KCNIP4: variants seen among roughly 807,000 people sequenced by gnomAD.
KCNIP4 encodes the protein potassium voltage-gated channel interacting protein 4.
In KCNIP4, 12 loss-of-function variants were observed where a neutral mutation model predicts 34.0. The observed-to-expected ratio is 0.35, with a 90% CI of 0.23 to 0.57. The LOEUF (loss-of-function observed/expected upper bound fraction) is 0.57, where lower values mean the gene tolerates loss of function less well. Among genes scored for constraint, KCNIP4 ranks in the 20% least tolerant of loss-of-function variants. The pLI is 0.83. For synonymous variants in KCNIP4, 124 were observed against 102.2 expected (o/e 1.21, Z -1.29); for missense variants, 238 against 311.7 (o/e 0.76, Z 1.78).
chr4:21,697,201 A>G (rs867790733), intron 1 of KCNIP4: 3 of 1,194,848 alleles, frequency 2.5e-6, no homozygotes, highest in East Asian at 3.1e-5. Context: ...TTTTAGAAAC[A>G]TAAATCTCAG....
chr4:21,315,587 TA>T (rs923593102), intron 1 of KCNIP4, among the ~76,000 whole-genome samples: 2 of 152,152 alleles, frequency 1.3e-5, no homozygotes, highest in Admixed American at 1.3e-4. Flanking sequence ...CAACTGCCCT[TA>T]AAATACATCA....
At chr4:21,351,645 G>A (rs1375416005) in intron 1 of KCNIP4, among the ~76,000 whole-genome samples, 1 of 152,178 alleles carries the variant, frequency 6.6e-6, no homozygotes, top group South Asian at 2.1e-4. Context: ...TAGTTAAGGT[G>A]AAATGAGATC....
chr4:21,304,255 C>T (rs1712171960), intron 1 of KCNIP4, among the ~76,000 whole-genome samples: 1 of 152,168 alleles, frequency 6.6e-6, no homozygotes, highest in Admixed American at 6.5e-5. Context: ...TAAAGTCGGG[C>T]CTGTCGGAAT....
chr4:21,239,526 C>T (rs1461512486), intron 1 of KCNIP4, among the ~76,000 whole-genome samples: 1 of 151,904 alleles, frequency 6.6e-6, no homozygotes, highest in Non-Finnish European at 1.5e-5. Flanking sequence ...AGCGAATTTA[C>T]AAGAAAAAAA....
chr4:21,642,596 C>A (rs1746691877), intron 1 of KCNIP4, among the ~76,000 whole-genome samples: 1 of 152,116 alleles, frequency 6.6e-6, no homozygotes, highest in South Asian at 2.1e-4. Flanking sequence ...CCCATTAGCA[C>A]AATTTTGCTT....
chr4:20,852,835 A>T (rs1261719399), intron 2 of KCNIP4, among the ~76,000 whole-genome samples: 1 of 152,188 alleles, frequency 6.6e-6, no homozygotes, highest in Non-Finnish European at 1.5e-5. Flanking sequence ...ACTAACAGTG[A>T]CCAAACAGAG....
intron 1 of KCNIP4, among the ~76,000 whole-genome samples, chr4:21,395,542 C>T (rs1016185214): frequency 1.7e-4 from 26 of 151,924 alleles, no homozygotes; most frequent in Non-Finnish European, 7.4e-5. Context: ...AGCCTTTTTT[C>T]CCCCTTTAAT....
rs553971427 is a variant in KCNIP4 at position 20,978,447 on chromosome 4, A to C, written c.62-95738T>G. Among the ~76,000 whole-genome samples the C allele has an allele frequency of 1.2e-4, 18 of 152,334 alleles. No individual in the cohort carries two copies. The East Asian group carries it at 2.5e-3, about 21-fold the overall frequency. ...CTATTTACCAAGCACTGTGCTAAAC[A>C]GCAAGGATAACTGTACAATTAAGGA... is the stretch of plus-strand genomic sequence containing the variant. On this transcript the variant is annotated intron_variant, in intron 1 of 8. Coordinates refer to ENST00000382152, the MANE Select transcript of KCNIP4 (RefSeq NM_025221.6).
chr4:20,898,079 G>A (rs530734671), intron 1 of KCNIP4, among the ~76,000 whole-genome samples: 2 of 152,064 alleles, frequency 1.3e-5, no homozygotes, highest in Non-Finnish European at 2.9e-5. Flanking sequence ...GCATAGGAGG[G>A]TAAGTTCCCT....
chr4:20,757,940 G>A (rs1269624360), intron 4 of KCNIP4, among the ~76,000 whole-genome samples: 1 of 152,092 alleles, frequency 6.6e-6, no homozygotes, highest in African/African-American at 2.4e-5. Context: ...TGCCAGCACT[G>A]TGCTCTCAGA....
chr4:21,759,467 T>C lies in KCNIP4; in HGVS notation c.61+189104A>G, dbSNP rs147334075. Among the ~76,000 whole-genome samples, 1,000 of 152,332 alleles carry C rather than the reference T, an allele frequency of 6.6e-3. 6 individuals carry two copies. The highest frequency in any genetic ancestry group is 0.01 in the Middle Eastern group (3 of 294). On this transcript the variant is annotated intron_variant, in intron 1 of 8. Coordinates refer to ENST00000382152, the MANE Select transcript of KCNIP4 (RefSeq NM_025221.6). ...ACTGAATATTCTTGGTTTTACCATA[T>C]AGCAGGACATAGAAATCTTTGTAGT...
intron 1 of KCNIP4, among the ~76,000 whole-genome samples, chr4:21,513,827 A>C (rs1734536447): frequency 6.6e-6 from 1 of 152,172 alleles, no homozygotes; most frequent in Non-Finnish European, 1.5e-5. Flanking sequence ...CCTTGGATGA[A>C]CAACGGTACA....
intron 3 of KCNIP4, among the ~76,000 whole-genome samples, chr4:20,761,866 GT>G: frequency 6.6e-6 from 1 of 152,232 alleles, no homozygotes; most frequent in South Asian, 2.1e-4. Context: ...AGATAAATTT[GT>G]TTTTATCCAC....
At chr4:20,784,626 T>C (rs1711700317) in intron 3 of KCNIP4, among the ~76,000 whole-genome samples, 2 of 152,176 alleles carry the variant, frequency 1.3e-5, no homozygotes, top group Admixed American at 6.6e-5. Flanking sequence ...TTCCCTCCTT[T>C]TTTTTCTTGT....
At chr4:21,686,228 G>A (rs949680845) in intron 1 of KCNIP4, among the ~76,000 whole-genome samples, 79 of 152,182 alleles carry the variant, frequency 5.2e-4, no homozygotes, top group African/African-American at 1.8e-3. Context: ...TATTGAGCTC[G>A]GAAGATTTAC....
At chr4:21,631,940 T>C (rs958795084) in intron 1 of KCNIP4, among the ~76,000 whole-genome samples, 1 of 152,218 alleles carries the variant, frequency 6.6e-6, no homozygotes, top group African/African-American at 2.4e-5. Context: ...TTCAAGCCAC[T>C]ATTCCATCAC....
intron 1 of KCNIP4, among the ~76,000 whole-genome samples, chr4:21,443,626 T>G (rs139412443): frequency 1.3e-5 from 2 of 152,282 alleles, no homozygotes; most frequent in Non-Finnish European, 2.9e-5. Flanking sequence ...GTTTGCGGCC[T>G]GATGCTCTAA....
At chr4:21,298,594 A>T (rs1045360163) in intron 1 of KCNIP4, among the ~76,000 whole-genome samples, 3 of 152,024 alleles carry the variant, frequency 2.0e-5, no homozygotes, top group African/African-American at 7.2e-5. Context: ...AAACAGATCG[A>T]CTCTCAGTTT....
chr4:21,808,661 A>T (rs1403281186), intron 1 of KCNIP4, among the ~76,000 whole-genome samples: 1 of 152,204 alleles, frequency 6.6e-6, no homozygotes, highest in Non-Finnish European at 1.5e-5. Context: ...ACATTGTTCA[A>T]GGTAAACTGT....
Sources: allele counts gnomAD v4.1 joint callset (sites outside exome capture counted in the v4.1 genomes callset), GRCh38; gene constraint gnomAD v4.1.1; transcripts MANE v1.5; gene names NCBI Gene and HGNC (gene_info 2026-07-23, HGNC 2026-07-21).